The following TLE3 variants were observed in gnomAD, a reference collection of about 807,000 sequenced individuals.
The protein encoded by TLE3 is transducin-like enhancer protein 3.
Under a neutral mutation model 93.0 loss-of-function variants are expected in TLE3, and 14 were observed. The observed-to-expected ratio is 0.15, with a 90% CI of 0.10 to 0.24. The LOEUF is 0.24. TLE3 is among the 10% of genes least tolerant of loss of function. The probability of loss-of-function intolerance (pLI) is 1.00; values close to 1 mark genes in which losing one functional copy is unlikely to be tolerated. For synonymous variants in TLE3, 451 were observed against 425.0 expected (o/e 1.06, Z -0.75); for missense variants, 693 against 1,046.6 (o/e 0.66, Z 4.66).
chr15:70,057,359 A>C, intron 13 of TLE3, 100 bp downstream of exon 13: 1 of 1,378,392 alleles, frequency 7.3e-7, no homozygotes, highest in Non-Finnish European at 9.8e-7. Context: ...TGGCCTTGAG[A>C]CCCTGAGGGG....
chr15:70,057,687 G>A, intron 12 of TLE3, 29 bp from the exon 13 acceptor site: 1 of 1,544,450 alleles, frequency 6.5e-7, no homozygotes, highest in Non-Finnish European at 8.7e-7. Flanking sequence ...AGGGAGGTGG[G>A]CCTTAGGTGG....
intron 8 of TLE3, among the ~76,000 whole-genome samples, chr15:70,061,358 G>A (rs1284012766): frequency 6.6e-6 from 1 of 152,138 alleles, no homozygotes; most frequent in Non-Finnish European, 1.5e-5. Context: ...ATCACCAAGT[G>A]GAGACCCCAA....
At chr15:70,050,897 G>T (rs1263998327) in intron 19 of TLE3, 1 of 161,314 alleles carries the variant, frequency 6.2e-6, no homozygotes, top group Non-Finnish European at 1.4e-5. Flanking sequence ...AGTGCAGTAT[G>T]GCAGGCCCCA....
At chr15:70,056,479 C>G in intron 13 of TLE3, 105 bp from the exon 14 acceptor site, 1 of 996,758 alleles carries the variant, frequency 1.0e-6, no homozygotes, top group Non-Finnish European at 1.5e-6. Flanking sequence ...GGCTCTGCCA[C>G]TTTGTAACCC....
chr15:70,070,289 T>G (rs900236543), intron 6 of TLE3, among the ~76,000 whole-genome samples: 2 of 152,096 alleles, frequency 1.3e-5, no homozygotes, highest in African/African-American at 4.8e-5. Flanking sequence ...CCAGGAGAGG[T>G]TGAAGGGAAG....
intron 10 of TLE3, among the ~76,000 whole-genome samples, chr15:70,059,135 C>G (rs574728044): frequency 6.6e-6 from 1 of 152,256 alleles, no homozygotes; most frequent in African/African-American, 2.4e-5. Flanking sequence ...CGGAGGATCA[C>G]GGGGAATAGA....
In TLE3 at chr15:70,096,987, G is replaced by C. The variant is rs1441868781; in HGVS notation, c.-189C>G. On this transcript the variant is annotated 5_prime_UTR_variant, in exon 1 of 20. Coordinates refer to ENST00000451782, the MANE Select transcript of TLE3 (RefSeq NM_001105192.3). The stretch of plus-strand genomic sequence containing the variant: ...CGCCCGCCCCAAGTGGAGACAAAGA[G>C]CCGCGGAGCAGGCGGCAAAGTCGTC... The C allele has an allele frequency of 1.4e-6, 1 of 693,806 alleles. No homozygotes were observed. The highest frequency in any genetic ancestry group is 1.6e-5 in the South Asian group (1 of 62,976). The allele number at this position is 693,806 out of a possible 1,614,324, so 43.0% of individuals were successfully genotyped here.
chr15:70,076,233 T>C, intron 4 of TLE3, 75 bp from the exon 5 acceptor site: 1 of 1,350,122 alleles, frequency 7.4e-7, no homozygotes, highest in South Asian at 1.2e-5. Context: ...CAAGTGGAAA[T>C]GCAAACTCCC....
chr15:70,073,464 G>A (rs181135955), intron 6 of TLE3, among the ~76,000 whole-genome samples: 14 of 152,316 alleles, frequency 9.2e-5, no homozygotes, highest in Middle Eastern at 3.4e-3. Context: ...GAGGAAAGAA[G>A]ACCAACCAGG....
intron 4 of TLE3, among the ~76,000 whole-genome samples, chr15:70,090,772 T>C (rs1381368590): frequency 6.6e-6 from 1 of 152,200 alleles, no homozygotes; most frequent in Non-Finnish European, 1.5e-5. Context: ...TATGTATTAT[T>C]ATTACACACA....
At chr15:70,095,133 G>C (rs975896486) in intron 3 of TLE3, among the ~76,000 whole-genome samples, 1 of 152,068 alleles carries the variant, frequency 6.6e-6, no homozygotes, top group East Asian at 1.9e-4. Context: ...GGGGAAGGAG[G>C]GCTTCTGTCC....
At chr15:70,080,522 G>A (rs1398121247) in intron 4 of TLE3, among the ~76,000 whole-genome samples, 3 of 152,122 alleles carry the variant, frequency 2.0e-5, no homozygotes, top group African/African-American at 4.8e-5. Context: ...CCAACTGGGC[G>A]CTGGGAGTAA....
intron 12 of TLE3, chr15:70,057,886 G>T: frequency 1.4e-6 from 1 of 716,528 alleles, no homozygotes; most frequent in Non-Finnish European, 2.3e-6. Context: ...GCCCAAATGG[G>T]CTTGCTTAGA....
rs1727970333 is a variant in TLE3 at position 70,097,772 on chromosome 15, C to T, written c.-974G>A. ...CGCCCCGGCAAACCCCCAAAACACA[C>T]ACACCCAACACACACACACGCGCGC... On this transcript the variant is annotated 5_prime_UTR_variant, in exon 1 of 20. In the 5' UTR this introduces an upstream ATG that the reference lacks. Coordinates refer to ENST00000451782, the MANE Select transcript of TLE3 (RefSeq NM_001105192.3). The T allele has an allele frequency of 5.1e-6, 2 of 393,026 alleles. No homozygotes were observed. Among genetic ancestry groups the T allele is most frequent in the African/African-American group, 2.1e-5 (1 of 48,268 alleles). 24.3% of individuals were successfully genotyped at this position (393,026 alleles called of 1,614,324 possible).
In TLE3 at chr15:70,097,471, CGCT is replaced by C. The variant is rs556822138; in HGVS notation, c.-676_-674del. On this transcript the variant is annotated 5_prime_UTR_variant, in exon 1 of 20. Transcript: ENST00000451782. ...CTGCCGCTGCCGCCGCCGCCGCCGC[CGCT>C]GCAAGCCCTTCCCAGGGCCGGGGAG... is the stretch of plus-strand genomic sequence containing the variant. 9.6e-6 allele frequency: 4 copies of C among 415,168 alleles called. No individual in the cohort carries two copies. The highest frequency in any genetic ancestry group is 1.7e-4 in the South Asian group (2 of 11,854). The allele number at this position is 415,168 out of a possible 1,614,324, so 25.7% of individuals were successfully genotyped here. A position where few individuals can be genotyped will look rare whatever the true frequency, so the allele number is the denominator to read the frequency against.
intron 6 of TLE3, among the ~76,000 whole-genome samples, chr15:70,070,053 C>A (rs1386494310): frequency 6.6e-6 from 1 of 152,266 alleles, no homozygotes; most frequent in Non-Finnish European, 1.5e-5. Flanking sequence ...TTATACCATT[C>A]CTTCCAATAT....
chr15:70,094,470 G>A lies in TLE3; in HGVS notation c.234+62C>T, dbSNP rs946458208. The stretch of plus-strand genomic sequence containing the variant: ...CACTTTCAAACAAGAGAGAACATAA[G>A]AAGTCCACATATATAAGTTTTTAAA... On this transcript the variant is annotated intron_variant, in intron 4 of 19. Transcript: ENST00000451782. 21 of 1,256,050 alleles carry A rather than the reference G, an allele frequency of 1.7e-5. No homozygotes were observed. In the East Asian group the frequency reaches 4.1e-4, roughly 24 times the overall value. The allele number at this position is 1,256,050 out of a possible 1,614,324, so 77.8% of individuals were successfully genotyped here.
rs758929098 is a variant in TLE3, at chr15:70,066,168, C to T, written c.423G>A (p.Pro141=). The T allele has an allele frequency of 3.9e-6, 6 of 1,543,910 alleles. No individual in the cohort carries two copies. The highest frequency in any genetic ancestry group is 2.0e-5 in the Admixed American group (1 of 50,036). The change falls in exon 7 of 20, where the codon CCG becomes CCA. Residue 141 remains proline (P), a synonymous_variant. Transcript: ENST00000451782. ...QHLSHATHGP[P]VQLPPHPSGL... Reference sequence around the variant, plus strand: ...CTGACGGGTGGGGTGGCAACTGGACCGGGGGGCCGTGTGTGGCATGGGAGA... The same window carrying T: ...CTGACGGGTGGGGTGGCAACTGGACTGGGGGGCCGTGTGTGGCATGGGAGA...
chr15:70,084,882 C>T (rs929286869), intron 4 of TLE3, among the ~76,000 whole-genome samples: 4 of 152,344 alleles, frequency 2.6e-5, no homozygotes, highest in South Asian at 2.1e-4. Flanking sequence ...TACCTTGCTT[C>T]GGCCTTTCCA....
Sources: gnomAD v4.1 joint callset for allele counts (sites outside exome capture counted in the v4.1 genomes callset) on GRCh38, gnomAD v4.1.1 for gene constraint, MANE v1.5 for transcripts, NCBI Gene and HGNC (gene_info 2026-07-23, HGNC 2026-07-21) for gene names.